Variants in PLCG2 observed in about 807,000 individuals in gnomAD.
The protein encoded by PLCG2 is 1-phosphatidylinositol 4,5-bisphosphate phosphodiesterase gamma-2.
PLCG2 carries 69 observed loss-of-function variants against 175.6 expected under a neutral mutation model. The observed-to-expected ratio is 0.39, with a 90% CI of 0.32 to 0.48. The LOEUF (loss-of-function observed/expected upper bound fraction) is 0.48. Among genes scored for constraint, PLCG2 ranks in the 20% least tolerant of loss-of-function variants. The probability of loss-of-function intolerance (pLI) is 0.91; values close to 1 mark genes in which losing one functional copy is unlikely to be tolerated. For missense variants in PLCG2, 1,798 were observed against 1,650.9 expected, an observed-to-expected ratio of 1.09 and a Z score of -1.54; for synonymous variants, 827 against 624.0, an observed-to-expected ratio of 1.33 and a Z score of -4.85.
rs141950806 is a variant in PLCG2, at chr16:81,884,933, G to T, written c.765+1592G>T. Among the ~76,000 whole-genome samples, 1,110 of 152,154 alleles carry T rather than the reference G, an allele frequency of 7.3e-3. 19 individuals are homozygous for T. Among genetic ancestry groups the T allele is most frequent in the African/African-American group, 0.026 (1,064 of 41,474 alleles). The stretch of plus-strand genomic sequence containing the variant: ...AGGTCTCACTCACCCCCTTGCCCAG[G>T]CTGGAGAGCAGTGGCATGGTAACAG... On this transcript the variant is annotated intron_variant, in intron 9 of 32. Transcript: ENST00000564138.
Position 81,934,957 on chromosome 16 carries a change from C to T in PLCG2, c.2842+426C>T, listed in dbSNP as rs115918588. Among the ~76,000 whole-genome samples the T allele has an allele frequency of 4.9e-3, 744 of 152,212 alleles. 6 individuals carry two copies. Among genetic ancestry groups the T allele is most frequent in the African/African-American group, 0.017 (697 of 41,524 alleles). Reference sequence around the variant, plus strand: ...CCCCCATGATTCAATTATCTCCTATCGGGTCCCTCCCATAACACGTGGGAA... The same window carrying T: ...CCCCCATGATTCAATTATCTCCTATTGGGTCCCTCCCATAACACGTGGGAA... On this transcript the variant is annotated intron_variant, in intron 26 of 32. Coordinates refer to ENST00000564138, the MANE Select transcript of PLCG2 (RefSeq NM_002661.5).
At chr16:81,951,402 TAGGC>T (rs1911360184) in intron 31 of PLCG2, among the ~76,000 whole-genome samples, 1 of 152,288 alleles carries the variant, frequency 6.6e-6, no homozygotes, top group Admixed American at 6.5e-5. Context: ...AGAATGTAAA[TAGGC>T]TAAAATTGTT....
chr16:81,825,618 C>T (rs1333767267), intron 2 of PLCG2, among the ~76,000 whole-genome samples: 1 of 152,162 alleles, frequency 6.6e-6, no homozygotes, highest in African/African-American at 2.4e-5. Flanking sequence ...TCTTTTAGAG[C>T]AGTAATAGTA....
At chr16:81,786,491 G>C (rs1401552159) in intron 2 of PLCG2, among the ~76,000 whole-genome samples, 1 of 152,184 alleles carries the variant, frequency 6.6e-6, no homozygotes, top group Non-Finnish European at 1.5e-5. Context: ...GGGATCGTCT[G>C]GTTCCCACAA....
intron 10 of PLCG2, among the ~76,000 whole-genome samples, chr16:81,889,841 A>G (rs1908547913): frequency 6.6e-6 from 1 of 152,020 alleles, no homozygotes; most frequent in Non-Finnish European, 1.5e-5. Context: ...TATTTTTAGT[A>G]GACAGGGTTT....
At chr16:81,843,754 G>C (rs1042908571) in intron 2 of PLCG2, among the ~76,000 whole-genome samples, 3 of 152,180 alleles carry the variant, frequency 2.0e-5, no homozygotes, top group African/African-American at 7.2e-5. Context: ...AAATACTAAA[G>C]ATTCATTTAA....
At chr16:81,854,993 T>G (rs539389219) in intron 3 of PLCG2, among the ~76,000 whole-genome samples, 7 of 152,162 alleles carry the variant, frequency 4.6e-5, no homozygotes, top group East Asian at 3.9e-4. Flanking sequence ...GCAGATCACT[T>G]GAGGTCAGGA....
At chr16:81,885,366 G>T (rs370733999) in intron 9 of PLCG2, among the ~76,000 whole-genome samples, 1 of 151,958 alleles carries the variant, frequency 6.6e-6, no homozygotes, top group African/African-American at 2.4e-5. Flanking sequence ...ATTTCCCCAT[G>T]TTGCTCAGGC....
At chr16:81,912,079 G>C (rs998321378) in intron 18 of PLCG2, among the ~76,000 whole-genome samples, 1 of 152,072 alleles carries the variant, frequency 6.6e-6, no homozygotes, top group South Asian at 2.1e-4. Flanking sequence ...TTACAGGCGT[G>C]AGCCACCACG....
At chr16:81,756,998 G>A (rs577656805) in intron 2 of PLCG2, among the ~76,000 whole-genome samples, 1 of 152,356 alleles carries the variant, frequency 6.6e-6, no homozygotes, top group Non-Finnish European at 1.5e-5. Flanking sequence ...GAGAGGAAAT[G>A]TGGTAGGAAG....
In PLCG2 at chr16:81,905,335, G is replaced by A. The variant is rs183065837; in HGVS notation, c.1363-68G>A. On this transcript the variant is annotated intron_variant, in intron 14 of 32. Coordinates refer to ENST00000564138, the MANE Select transcript of PLCG2 (RefSeq NM_002661.5). ...CCCTGCCTGGGAAGAGGCAGATGAA[G>A]GCTGCTGGCTCAAAGGCCTAAACTT... 4.8e-6 allele frequency: 5 copies of A among 1,051,574 alleles called. No homozygotes were observed. In the East Asian group the frequency reaches 7.4e-5, roughly 16 times the overall value. 65.1% of individuals were successfully genotyped at this position (1,051,574 alleles called of 1,614,324 possible).
At position 81,801,151 on chromosome 16, in the gene PLCG2, C is replaced by A. The variant is rs538996226; in HGVS notation, c.193+14969C>A. Among the ~76,000 whole-genome samples, 6 of 152,282 alleles carry A rather than the reference C, an allele frequency of 3.9e-5. No individual in the cohort carries two copies. The South Asian group carries it at 1.2e-3, about 32-fold the overall frequency. On this transcript the variant is annotated intron_variant, in intron 2 of 32. Coordinates refer to ENST00000564138, the MANE Select transcript of PLCG2 (RefSeq NM_002661.5). ...TAAAGCTATTATGCATGTGGGAATT[C>A]AGTAGCGTAGCGATTGAGAATAAAT...
chr16:81,816,503 G>A (rs1366028615), intron 2 of PLCG2, among the ~76,000 whole-genome samples: 5 of 149,848 alleles, frequency 3.3e-5, no homozygotes, highest in African/African-American at 9.9e-5. Flanking sequence ...TTTGAGACAC[G>A]GTCTCATTCT....
intron 2 of PLCG2, among the ~76,000 whole-genome samples, chr16:81,760,539 C>G (rs1244949546): frequency 5.3e-5 from 8 of 151,962 alleles, no homozygotes; most frequent in Non-Finnish European, 1.2e-4. Context: ...CTAGGTGTGG[C>G]CTTATATGGG....
chr16:81,814,009 C>T (rs985903111), intron 2 of PLCG2, among the ~76,000 whole-genome samples: 1 of 152,176 alleles, frequency 6.6e-6, no homozygotes, highest in Non-Finnish European at 1.5e-5. Flanking sequence ...AGGGGCATCT[C>T]TCTGAGCCTT....
At chr16:81,936,097 C>T (rs1301681856) in intron 26 of PLCG2, 72 bp from the exon 27 acceptor site, 3 of 1,577,918 alleles carry the variant, frequency 1.9e-6, no homozygotes, top group Non-Finnish European at 1.7e-6. Flanking sequence ...AGCATCCAGC[C>T]ATTGCAGCAA....
intron 2 of PLCG2, among the ~76,000 whole-genome samples, chr16:81,819,072 C>G (rs1178560096): frequency 6.6e-6 from 1 of 151,974 alleles, no homozygotes; most frequent in Non-Finnish European, 1.5e-5. Context: ...GGTCCAGTGA[C>G]TTGCTCAAGT....
intron 2 of PLCG2, among the ~76,000 whole-genome samples, chr16:81,763,894 G>C (rs970554384): frequency 2.6e-5 from 4 of 152,094 alleles, no homozygotes; most frequent in Admixed American, 1.3e-4. Context: ...TTGAACCCAG[G>C]AGTCGGAGGT....
intron 1 of PLCG2, among the ~76,000 whole-genome samples, chr16:81,745,188 A>G (rs1340336939): frequency 1.3e-5 from 2 of 152,150 alleles, no homozygotes; most frequent in African/African-American, 4.8e-5. Flanking sequence ...CCAAGATTCA[A>G]TCTTAATCGG....
Sources: allele counts gnomAD v4.1 joint callset (sites outside exome capture counted in the v4.1 genomes callset), GRCh38; gene constraint gnomAD v4.1.1; transcripts MANE v1.5; gene names NCBI Gene and HGNC (gene_info 2026-07-23, HGNC 2026-07-21).